The following ACVR1C variants were observed in gnomAD, a reference collection of about 807,000 sequenced individuals.
ACVR1C encodes the protein activin A receptor type 1C, also known as activin receptor type-1C.
ACVR1C carries 23 observed loss-of-function variants against 57.9 expected under a neutral mutation model. That is an observed-to-expected ratio of 0.40 (90% CI 0.29 to 0.56). The LOEUF (loss-of-function observed/expected upper bound fraction) is 0.56. ACVR1C is among the 20% of genes least tolerant of loss of function. The pLI is 0.50. For synonymous variants in ACVR1C, 214 were observed against 215.3 expected (o/e 0.99, Z 0.05); for missense variants, 480 against 607.9 (o/e 0.79, Z 2.21).
intron 4 of ACVR1C, among the ~76,000 whole-genome samples, chr2:157,546,796 G>A (rs1687765474): frequency 6.6e-6 from 1 of 151,962 alleles, no homozygotes; most frequent in African/African-American, 2.4e-5. Context: ...TATTTTATGA[G>A]TACTTATTTT....
At chr2:157,628,480 G>C in intron 1 of ACVR1C, 92 bp downstream of exon 1, 5 of 1,426,704 alleles carry the variant, frequency 3.5e-6, no homozygotes, top group Non-Finnish European at 4.8e-6. Context: ...AGTTTGCTCG[G>C]AGCACCCCCT....
At position 157,532,762 on chromosome 2, in the gene ACVR1C, T is replaced by C. The variant is rs1199119966; in HGVS notation, c.*1156A>G. ...TTCTGATACCGTCTGTAGGGTTTGG[T>C]TGTTAACACTTCATTGAAGAGTTTT... On this transcript the variant is annotated 3_prime_UTR_variant, in exon 9 of 9. Coordinates refer to ENST00000243349, the MANE Select transcript of ACVR1C (RefSeq NM_145259.3). 1 of 152,170 alleles carries C rather than the reference T, an allele frequency of 6.6e-6. No homozygotes were observed. Among genetic ancestry groups the C allele is most frequent in the African/African-American group, 2.4e-5 (1 of 41,460 alleles). The allele number at this position is 152,170 out of a possible 1,614,324, so 9.4% of individuals were successfully genotyped here. A position where few individuals can be genotyped will look rare whatever the true frequency, so the allele number is the denominator to read the frequency against.
At position 157,544,531 on chromosome 2, in the gene ACVR1C, A is replaced by G. The variant is rs1179347550; in HGVS notation, c.857T>C (p.Ile286Thr). The change falls in exon 5 of 9, where the codon ATA becomes ACA. Residue 286 changes from isoleucine (I) to threonine (T), a missense_variant. Ile to Thr is a moderately conservative substitution (Grantham distance 89, BLOSUM62 -1). Coordinates refer to ENST00000243349, the MANE Select transcript of ACVR1C (RefSeq NM_145259.3). Reference sequence around the variant, plus strand: ...CTTGATCATTCCAGCCACGGTCACTATATTTCTATTCAAATAGTCATATAA... The same window carrying G: ...CTTGATCATTCCAGCCACGGTCACTGTATTTCTATTCAAATAGTCATATAA... ...GSLYDYLNRN[I>T]VTVAGMIKLA... 2.5e-6 allele frequency: 4 copies of G among 1,613,974 alleles called. No homozygotes were observed. Among genetic ancestry groups the G allele is most frequent in the East Asian group, 2.2e-5 (1 of 44,898 alleles).
At chr2:157,576,183 G>C (rs934489860) in intron 2 of ACVR1C, among the ~76,000 whole-genome samples, 3 of 148,662 alleles carry the variant, frequency 2.0e-5, no homozygotes, top group Admixed American at 6.7e-5. Context: ...CCATTATTGT[G>C]GCTTGAGGAA....
At chr2:157,604,445 T>C (rs1435032681) in intron 1 of ACVR1C, among the ~76,000 whole-genome samples, 2 of 152,052 alleles carry the variant, frequency 1.3e-5, no homozygotes, top group East Asian at 3.8e-4. Context: ...CTTTTTTGAA[T>C]GCATATACAA....
chr2:157,561,179 C>G (rs1422690733), intron 2 of ACVR1C, among the ~76,000 whole-genome samples: 2 of 152,194 alleles, frequency 1.3e-5, no homozygotes, highest in African/African-American at 4.8e-5. Flanking sequence ...TGCATTAAAA[C>G]CAATCCCCCT....
intron 1 of ACVR1C, among the ~76,000 whole-genome samples, chr2:157,588,829 A>G (rs1316471230): frequency 7.5e-6 from 1 of 133,266 alleles, no homozygotes; most frequent in African/African-American, 2.7e-5. Flanking sequence ...TATATACACA[A>G]ATACATACAC....
intron 7 of ACVR1C, 105 bp downstream of exon 7, chr2:157,540,985 A>T: frequency 1.5e-6 from 2 of 1,359,508 alleles, no homozygotes; most frequent in Non-Finnish European, 2.0e-6. Context: ...TTAAATACTA[A>T]GAAACTGATT....
At chr2:157,599,920 T>C (rs1223714183) in intron 1 of ACVR1C, among the ~76,000 whole-genome samples, 3 of 152,220 alleles carry the variant, frequency 2.0e-5, no homozygotes, top group Non-Finnish European at 1.5e-5. Context: ...GTTCTAATCC[T>C]AGTTCTAGTA....
At chr2:157,595,411 A>G (rs1682070674) in intron 1 of ACVR1C, among the ~76,000 whole-genome samples, 1 of 152,222 alleles carries the variant, frequency 6.6e-6, no homozygotes. Context: ...TAGACTTTGC[A>G]GCCATGTAGG....
chr2:157,560,616 C>T (rs760110175), intron 2 of ACVR1C, among the ~76,000 whole-genome samples: 9 of 152,174 alleles, frequency 5.9e-5, no homozygotes, highest in Non-Finnish European at 1.3e-4. Context: ...CTGCATCAAC[C>T]AATCTGAACT....
chr2:157,545,049 A>T (rs984737697), intron 4 of ACVR1C, among the ~76,000 whole-genome samples: 9 of 152,250 alleles, frequency 5.9e-5, no homozygotes, highest in African/African-American at 1.2e-4. Context: ...TATTTCTATC[A>T]TAAAAGCTCT....
At chr2:157,553,952 G>T (rs1687984784) in intron 3 of ACVR1C, among the ~76,000 whole-genome samples, 1 of 151,838 alleles carries the variant, frequency 6.6e-6, no homozygotes, top group African/African-American at 2.4e-5. Context: ...GGTGGCCAAG[G>T]CAGGCAGATC....
Position 157,627,485 on chromosome 2 carries a change from C to T in ACVR1C, c.73+1087G>A, listed in dbSNP as rs568386362. Among the ~76,000 whole-genome samples the T allele has an allele frequency of 3.3e-5, 5 of 152,266 alleles. No homozygotes were observed. In the South Asian group the frequency reaches 1.0e-3, roughly 32 times the overall value. ...TTTGAATATTGTATTTAGTGATTCT[C>T]TCAGGCCATCTGAAACACTGAAATC... On this transcript the variant is annotated intron_variant, in intron 1 of 8. Coordinates refer to ENST00000243349, the MANE Select transcript of ACVR1C (RefSeq NM_145259.3).
intron 1 of ACVR1C, among the ~76,000 whole-genome samples, chr2:157,592,259 T>C (rs557008803): frequency 3.9e-5 from 6 of 152,076 alleles, no homozygotes; most frequent in Non-Finnish European, 8.8e-5. Flanking sequence ...TCTGATACTT[T>C]CTCTTTGAAG....
chr2:157,549,829 CAAAA>C (rs1173469291), intron 4 of ACVR1C, among the ~76,000 whole-genome samples: 10 of 47,544 alleles, frequency 2.1e-4, no homozygotes, highest in African/African-American at 5.6e-4. Flanking sequence ...ACTAAAAATA[CAAAA>C]AAAAAAAAAA....
In ACVR1C at chr2:157,556,127, C is replaced by G. The variant is rs1393228704; in HGVS notation, c.510G>C (p.Leu170=). Residue 170 remains leucine, a synonymous_variant, in exon 3 of 9, where the codon CTG becomes CTC. Coordinates refer to ENST00000243349, the MANE Select transcript of ACVR1C (RefSeq NM_145259.3). The part of the protein sequence containing the change: ...LVNAGKTLKD[L]IYDVTASGSG... ...ATCCAGAGGCGGTCACATCATAAAT[C>G]AGATCTTTCAGAGTTTTTCCAGCAT... is the stretch of plus-strand genomic sequence containing the variant. 6.2e-7 allele frequency: 1 copy of G among 1,614,098 alleles called. No homozygotes were observed. The highest frequency in any genetic ancestry group is 8.5e-7 in the Non-Finnish European group (1 of 1,179,972).
intron 2 of ACVR1C, among the ~76,000 whole-genome samples, chr2:157,573,174 A>G (rs188905086): frequency 6.0e-4 from 91 of 152,304 alleles, no homozygotes; most frequent in African/African-American, 2.1e-3. Context: ...TTGGCAGTTT[A>G]TCTTCTTTCA....
At chr2:157,539,271 A>G (rs1318517747) in intron 7 of ACVR1C, among the ~76,000 whole-genome samples, 1 of 152,128 alleles carries the variant, frequency 6.6e-6, no homozygotes, top group African/African-American at 2.4e-5. Flanking sequence ...AGAACTACTG[A>G]ACCTGAGAAT....
Sources: allele counts gnomAD v4.1 joint callset (sites outside exome capture counted in the v4.1 genomes callset), GRCh38; gene constraint gnomAD v4.1.1; transcripts MANE v1.5; gene names NCBI Gene and HGNC (gene_info 2026-07-23, HGNC 2026-07-21).